Variants in GMDS observed in about 807,000 individuals in gnomAD.
GMDS encodes GDP-mannose 4,6-dehydratase.
Under a neutral mutation model 49.9 loss-of-function variants are expected in GMDS, and 20 were observed. That is an observed-to-expected ratio of 0.40 (90% CI 0.28 to 0.58). The LOEUF is 0.58. GMDS is among the 20% of genes least tolerant of loss of function. The probability of loss-of-function intolerance (pLI) is 0.42; values close to 1 mark genes in which losing one functional copy is unlikely to be tolerated. For missense variants in GMDS, 362 were observed against 481.4 expected (o/e 0.75, Z 2.32); for synonymous variants, 177 against 178.6 (o/e 0.99, Z 0.07).
At chr6:1,734,960 G>C (rs920113397) in intron 8 of GMDS, among the ~76,000 whole-genome samples, 1 of 152,258 alleles carries the variant, frequency 6.6e-6, no homozygotes, top group African/African-American at 2.4e-5. Context: ...GCATTTCAAA[G>C]AGCCTCAGCG....
At chr6:1,644,746 A>C (rs558054333) in intron 9 of GMDS, among the ~76,000 whole-genome samples, 2 of 151,984 alleles carry the variant, frequency 1.3e-5, no homozygotes, top group Non-Finnish European at 2.9e-5. Flanking sequence ...GGCCACCCCC[A>C]CTGCCGTTTC....
chr6:1,984,644 T>TA (rs1384076759), intron 4 of GMDS, among the ~76,000 whole-genome samples: 1 of 152,204 alleles, frequency 6.6e-6, no homozygotes, highest in Non-Finnish European at 1.5e-5. Context: ...TCCTGGTCTC[T>TA]ATCTGGCATT....
chr6:1,877,147 C>T (rs925144435), intron 7 of GMDS, among the ~76,000 whole-genome samples: 3 of 151,970 alleles, frequency 2.0e-5, no homozygotes, highest in African/African-American at 7.2e-5. Context: ...AACATTTCTT[C>T]CATCTAACAG....
intron 1 of GMDS, among the ~76,000 whole-genome samples, chr6:2,199,570 A>ATT: frequency 6.6e-6 from 1 of 151,922 alleles, no homozygotes; most frequent in Non-Finnish European, 1.5e-5. Flanking sequence ...AATACAGCCT[A>ATT]CTCAGGACCT....
At chr6:2,022,561 C>T (rs185191644) in intron 4 of GMDS, among the ~76,000 whole-genome samples, 15 of 152,170 alleles carry the variant, frequency 9.9e-5, no homozygotes, top group East Asian at 9.6e-4. Flanking sequence ...AATCTGCTCG[C>T]GATAATGCAC....
intron 6 of GMDS, among the ~76,000 whole-genome samples, chr6:1,943,934 A>G (rs1041344065): frequency 1.3e-5 from 2 of 152,358 alleles, no homozygotes; most frequent in South Asian, 4.1e-4. Flanking sequence ...AGAATGAAAA[A>G]CACTGGAACA....
intron 4 of GMDS, among the ~76,000 whole-genome samples, chr6:2,015,384 A>C (rs1767826556): frequency 6.6e-6 from 1 of 152,206 alleles, no homozygotes; most frequent in South Asian, 2.1e-4. Context: ...AAATACTTGG[A>C]GATTAAATAG....
At chr6:2,220,883 A>G (rs1443383959) in intron 1 of GMDS, among the ~76,000 whole-genome samples, 1 of 152,180 alleles carries the variant, frequency 6.6e-6, no homozygotes, top group Non-Finnish European at 1.5e-5. Flanking sequence ...CCTTCTAAGA[A>G]GGGATGTACA....
chr6:2,012,180 T>C (rs897782361), intron 4 of GMDS, among the ~76,000 whole-genome samples: 1 of 152,044 alleles, frequency 6.6e-6, no homozygotes, highest in Non-Finnish European at 1.5e-5. Flanking sequence ...GGGTGATGAT[T>C]ACACTAAAAA....
rs371600552 is a variant in GMDS at position 1,847,476 on chromosome 6, A to G, written c.771+82627T>C. Among the ~76,000 whole-genome samples, 12 of 152,316 alleles carry G rather than the reference A, an allele frequency of 7.9e-5. No individual in the cohort carries two copies. In the East Asian group the frequency reaches 2.3e-3, roughly 29 times the overall value. On this transcript the variant is annotated intron_variant, in intron 7 of 10. Transcript: ENST00000380815. The stretch of plus-strand genomic sequence containing the variant: ...CAGAAGCCTATTCAGTCTGTCTTGG[A>G]GCGGTTTTAAATACCATCACCTCAG...
intron 4 of GMDS, among the ~76,000 whole-genome samples, chr6:2,074,734 C>T (rs1708838295): frequency 6.6e-6 from 1 of 152,088 alleles, no homozygotes; most frequent in African/African-American, 2.4e-5. Context: ...GAACTCCTGG[C>T]CTCAAGAAAT....
intron 1 of GMDS, among the ~76,000 whole-genome samples, chr6:2,177,476 A>G (rs1297585584): frequency 6.6e-6 from 1 of 152,230 alleles, no homozygotes; most frequent in African/African-American, 2.4e-5. Context: ...CTAGCAGCAC[A>G]TCAAAAAGTT....
chr6:1,991,282 C>A (rs1382117588), intron 4 of GMDS, among the ~76,000 whole-genome samples: 1 of 152,132 alleles, frequency 6.6e-6, no homozygotes, highest in Non-Finnish European at 1.5e-5. Context: ...TCTTCCACAG[C>A]TCCGGCATTT....
chr6:2,112,043 C>T (rs931550888), intron 4 of GMDS, among the ~76,000 whole-genome samples: 1 of 152,166 alleles, frequency 6.6e-6, no homozygotes, highest in South Asian at 2.1e-4. Flanking sequence ...TTCCCCACGC[C>T]CGCTCTGGCC....
At chr6:1,695,577 T>C (rs1765309517) in intron 9 of GMDS, among the ~76,000 whole-genome samples, 2 of 152,234 alleles carry the variant, frequency 1.3e-5, no homozygotes, top group Non-Finnish European at 2.9e-5. Flanking sequence ...GTAGATAACG[T>C]CTAACAGCCA....
At chr6:1,733,873 A>G in intron 8 of GMDS, among the ~76,000 whole-genome samples, 2 of 147,606 alleles carry the variant, frequency 1.4e-5, no homozygotes, top group South Asian at 2.1e-4. Flanking sequence ...AAAGAGGGCC[A>G]GGGCTGAGTG....
chr6:1,728,788 C>T (rs1302892927), intron 8 of GMDS, among the ~76,000 whole-genome samples: 2 of 152,134 alleles, frequency 1.3e-5, no homozygotes, highest in African/African-American at 4.8e-5. Flanking sequence ...ATACTTAAAG[C>T]TTCACAGATC....
At chr6:2,194,932 T>G (rs1189883439) in intron 1 of GMDS, among the ~76,000 whole-genome samples, 1 of 152,256 alleles carries the variant, frequency 6.6e-6, no homozygotes, top group Non-Finnish European at 1.5e-5. Flanking sequence ...GTTCCGTGAA[T>G]GCTGCTCTGT....
chr6:1,732,444 A>G (rs1246065735), intron 8 of GMDS, among the ~76,000 whole-genome samples: 2 of 152,254 alleles, frequency 1.3e-5, no homozygotes, highest in Non-Finnish European at 2.9e-5. Flanking sequence ...AAATTAAAAC[A>G]TAACAATTGA....
Sources: gnomAD v4.1 joint callset for allele counts (sites outside exome capture counted in the v4.1 genomes callset) on GRCh38, gnomAD v4.1.1 for gene constraint, MANE v1.5 for transcripts, NCBI Gene and HGNC (gene_info 2026-07-23, HGNC 2026-07-21) for gene names.